Variants in DNAH14 observed in about 807,000 individuals in gnomAD.
DNAH14 encodes the protein axonemal beta dynein heavy chain 14.
In DNAH14, 478 loss-of-function variants were observed where a neutral mutation model predicts 520.9. That is an observed-to-expected ratio of 0.92 (90% CI 0.85 to 0.99). The LOEUF (loss-of-function observed/expected upper bound fraction) is 0.99, where lower values mean the gene tolerates loss of function less well. DNAH14 is among the 50% of genes least tolerant of loss of function. The pLI, the probability that DNAH14 is intolerant of heterozygous loss-of-function variation, is 0.00. For missense variants in DNAH14, 4,831 were observed against 5,234.5 expected (o/e 0.92, Z 2.38); for synonymous variants, 1,581 against 1,757.2 (o/e 0.90, Z 2.51).
chr1:225,213,816 A>G (rs2088841656), intron 41 of DNAH14, among the ~76,000 whole-genome samples: 2 of 152,146 alleles, frequency 1.3e-5, no homozygotes, highest in South Asian at 4.1e-4. Context: ...GGCTGAGACG[A>G]TGGGGTTTTC....
At chr1:224,984,395 G>A (rs2062479628) in intron 8 of DNAH14, among the ~76,000 whole-genome samples, 1 of 152,160 alleles carries the variant, frequency 6.6e-6, no homozygotes. Flanking sequence ...ATCAACTGAA[G>A]ATGGATTAAG....
At chr1:225,323,851 CTG>C (rs2094601223) in intron 62 of DNAH14, among the ~76,000 whole-genome samples, 1 of 151,892 alleles carries the variant, frequency 6.6e-6, no homozygotes. Flanking sequence ...GAGTCTCACT[CTG>C]TGCACTCGCT....
chr1:225,365,773 A>C (rs2095545352), intron 76 of DNAH14, among the ~76,000 whole-genome samples: 1 of 146,066 alleles, frequency 6.8e-6, no homozygotes, highest in Admixed American at 6.8e-5. Context: ...GGAGAGGGGA[A>C]TTGGGGGGTG....
At chr1:225,121,061 C>G (rs148854586) in intron 26 of DNAH14, among the ~76,000 whole-genome samples, 172 of 152,190 alleles carry the variant, frequency 1.1e-3, no homozygotes, top group African/African-American at 4.0e-3. Flanking sequence ...TACGCCTTAT[C>G]CAACTAAAGA....
intron 8 of DNAH14, among the ~76,000 whole-genome samples, chr1:224,991,313 G>A (rs909696082): frequency 6.7e-6 from 1 of 149,020 alleles, no homozygotes; most frequent in Non-Finnish European, 1.5e-5. Context: ...CACTGTGTTA[G>A]CCAGAATGGT....
chr1:225,075,833 T>C (rs902804373), intron 17 of DNAH14, among the ~76,000 whole-genome samples: 6 of 152,244 alleles, frequency 3.9e-5, no homozygotes, highest in African/African-American at 1.4e-4. Flanking sequence ...TTGGTGTCTG[T>C]GCATTTGAAG....
At chr1:225,095,959 A>G (rs2074926000) in intron 21 of DNAH14, among the ~76,000 whole-genome samples, 1 of 152,058 alleles carries the variant, frequency 6.6e-6, no homozygotes, top group Non-Finnish European at 1.5e-5. Context: ...ATAAAATTGT[A>G]TACTTTAATT....
chr1:225,211,318 G>A (rs540954983), intron 41 of DNAH14, among the ~76,000 whole-genome samples: 12 of 152,280 alleles, frequency 7.9e-5, no homozygotes, highest in Non-Finnish European at 1.3e-4. Context: ...TAAATGACCT[G>A]TTGGAGCTGA....
rs2068533906 is a variant in DNAH14, at chr1:225,051,499, G to A, written c.2128G>A (p.Ala710Thr). 1.2e-5 allele frequency: 18 copies of A among 1,544,348 alleles called. No homozygotes were observed. The highest frequency in any genetic ancestry group is 1.6e-5 in the Non-Finnish European group (18 of 1,144,302). ...IIGNSMGLVN[A>T]YSHKFIKYCT... ...TGGTAATTCAATGGGCCTAGTTAAT[G>A]CTTACAGCCACAAGTTTATAAAGTA... is the stretch of plus-strand genomic sequence containing the variant. Residue 710 changes from alanine (A) to threonine (T), a missense_variant, in exon 17 of 86, where the codon GCT (alanine) becomes ACT (threonine). Coordinates refer to ENST00000682510, the MANE Select transcript of DNAH14 (RefSeq NM_001367479.1).
intron 22 of DNAH14, among the ~76,000 whole-genome samples, chr1:225,097,780 A>G (rs894180439): frequency 1.7e-4 from 26 of 152,182 alleles, no homozygotes; most frequent in Non-Finnish European, 3.1e-4. Context: ...TATAAAAAAA[A>G]AAAAGTGTCA....
At chr1:225,303,023 T>C (rs2094169095) in intron 56 of DNAH14, 133 bp from the exon 57 acceptor site, 1 of 664,390 alleles carries the variant, frequency 1.5e-6, no homozygotes, top group Non-Finnish European at 2.4e-6. Flanking sequence ...AGGCACTCCA[T>C]GCACAAATGA....
chr1:225,251,699 AATAG>A (rs1220584188), intron 43 of DNAH14, among the ~76,000 whole-genome samples: 1 of 152,184 alleles, frequency 6.6e-6, no homozygotes, highest in African/African-American at 2.4e-5. Context: ...ATATATCCAG[AATAG>A]ATAAAGAACT....
intron 10 of DNAH14, among the ~76,000 whole-genome samples, chr1:225,016,179 T>C (rs149750915): frequency 1.3e-5 from 2 of 152,324 alleles, no homozygotes; most frequent in African/African-American, 4.8e-5. Context: ...TTGGTGACCA[T>C]TGTCCCTTGG....
At chr1:224,991,115 G>A (rs1172558387) in intron 8 of DNAH14, among the ~76,000 whole-genome samples, 2 of 60,306 alleles carry the variant, frequency 3.3e-5, no homozygotes, top group Admixed American at 2.0e-4. Flanking sequence ...TTTTTTTTGA[G>A]ACGGAGTCTT....
intron 70 of DNAH14, 27 bp from the exon 71 acceptor site, chr1:225,346,429 G>T: frequency 6.5e-7 from 1 of 1,535,822 alleles, no homozygotes; most frequent in Non-Finnish European, 8.8e-7. Flanking sequence ...AATCTCACTG[G>T]ATTAATATGT....
At chr1:225,081,255 A>G (rs2148581736) in intron 19 of DNAH14, among the ~76,000 whole-genome samples, 1 of 152,304 alleles carries the variant, frequency 6.6e-6, no homozygotes, top group East Asian at 1.9e-4. Context: ...GGCCAAGAGA[A>G]TATCTTTGCT....
chr1:225,023,889 A>G (rs1453821683), intron 11 of DNAH14, 24 bp downstream of exon 11: 1 of 1,502,214 alleles, frequency 6.7e-7, no homozygotes, highest in African/African-American at 1.4e-5. Flanking sequence ...TTGAAGTCAA[A>G]AAGTAACTTA....
At chr1:225,032,630 C>T (rs969105255) in intron 11 of DNAH14, among the ~76,000 whole-genome samples, 20 of 152,098 alleles carry the variant, frequency 1.3e-4, no homozygotes, top group Non-Finnish European at 2.8e-4. Context: ...TGGTAGTTCT[C>T]CTTTTAGCTC....
chr1:224,970,166 T>C (rs2061419327), intron 7 of DNAH14, among the ~76,000 whole-genome samples: 1 of 152,160 alleles, frequency 6.6e-6, no homozygotes, highest in Non-Finnish European at 1.5e-5. Context: ...GGTAGGCCTC[T>C]GAAATGGCCG....
Sources: allele counts gnomAD v4.1 joint callset (sites outside exome capture counted in the v4.1 genomes callset), GRCh38; gene constraint gnomAD v4.1.1; transcripts MANE v1.5; gene names NCBI Gene and HGNC (gene_info 2026-07-23, HGNC 2026-07-21).